SGMS1: variants seen among roughly 807,000 people sequenced by gnomAD.
The protein encoded by SGMS1 is sphingomyelin synthase 1.
Under a neutral mutation model 46.2 loss-of-function variants are expected in SGMS1, and 13 were observed. The observed-to-expected ratio is 0.28, with a 90% CI of 0.18 to 0.45. The LOEUF (loss-of-function observed/expected upper bound fraction) is 0.45. Ranked by LOEUF, SGMS1 falls within the 20% of genes least tolerant of loss-of-function variation. SGMS1 has a pLI of 1.00. For synonymous variants in SGMS1, 203 were observed against 187.8 expected (o/e 1.08, Z -0.66); for missense variants, 324 against 519.9 (o/e 0.62, Z 3.66).
At chr10:50,328,970 G>A (rs1847572224) in intron 7 of SGMS1, among the ~76,000 whole-genome samples, 1 of 152,152 alleles carries the variant, frequency 6.6e-6, no homozygotes, top group African/African-American at 2.4e-5. Flanking sequence ...TAGCCATCCT[G>A]CTAAAGTGAA....
chr10:50,549,415 A>G (rs1038042962), intron 2 of SGMS1, among the ~76,000 whole-genome samples: 2 of 152,244 alleles, frequency 1.3e-5, no homozygotes, highest in African/African-American at 4.8e-5. Context: ...ATTGGAAGCC[A>G]TTATCCTCAG....
rs117211265 is a variant in SGMS1, at chr10:50,420,108, T to C, written c.-232+13368A>G. 4.2e-4 allele frequency among the ~76,000 whole-genome samples: 64 copies of C among 152,332 alleles called. 1 individual carries two copies. In the East Asian group the frequency reaches 0.012, roughly 28 times the overall value. ...AAAGAGCAGAAGCAAGATCGGCCTA[T>C]AGCCTCACATTTATCCTTAGCAACA... On this transcript the variant is annotated intron_variant, in intron 6 of 10. Coordinates refer to ENST00000361781, the MANE Select transcript of SGMS1 (RefSeq NM_147156.4).
chr10:50,553,464 A>G (rs1224738144), intron 2 of SGMS1, among the ~76,000 whole-genome samples: 1 of 151,476 alleles, frequency 6.6e-6, no homozygotes, highest in Non-Finnish European at 1.5e-5. Context: ...AACTCAATAA[A>G]AGAAAACTAT....
intron 2 of SGMS1, among the ~76,000 whole-genome samples, chr10:50,529,458 A>G (rs1564425051): frequency 1.3e-5 from 2 of 152,226 alleles, no homozygotes; most frequent in South Asian, 2.1e-4. Context: ...TACAAAATGT[A>G]GAGGAAAAAG....
chr10:50,562,378 T>G (rs1172213938), intron 2 of SGMS1, among the ~76,000 whole-genome samples: 1 of 139,896 alleles, frequency 7.1e-6, no homozygotes, highest in East Asian at 2.2e-4. Flanking sequence ...ACACACACAC[T>G]CACACACGGG....
intron 1 of SGMS1, among the ~76,000 whole-genome samples, chr10:50,607,980 C>T (rs1838712865): frequency 6.6e-6 from 1 of 152,210 alleles, no homozygotes; most frequent in South Asian, 2.1e-4. Flanking sequence ...TCAACATCCA[C>T]CCAGTATCAC....
chr10:50,495,824 T>C (rs942673208), intron 3 of SGMS1, among the ~76,000 whole-genome samples: 7 of 151,720 alleles, frequency 4.6e-5, no homozygotes, highest in Middle Eastern at 3.4e-3. Flanking sequence ...AACATGTTTG[T>C]ATCTACATAG....
At chr10:50,578,440 A>G (rs1051850352) in intron 2 of SGMS1, among the ~76,000 whole-genome samples, 1 of 152,116 alleles carries the variant, frequency 6.6e-6, no homozygotes, top group Non-Finnish European at 1.5e-5. Flanking sequence ...ATCAATAAGG[A>G]TTTTTTTCTA....
rs961338137 is a variant in SGMS1, at chr10:50,600,621, G to A, written c.-683-10374C>T. Among the ~76,000 whole-genome samples the A allele has an allele frequency of 3.3e-5, 5 of 152,306 alleles. 1 individual carries two copies. In the South Asian group the frequency reaches 6.2e-4, roughly 19 times the overall value. ...CTGTTGAGCAGATGCCAAATTGATG[G>A]AGACAGAAAGGTGCTGAAAGAGAAT... On this transcript the variant is annotated intron_variant, in intron 1 of 10. Coordinates refer to ENST00000361781, the MANE Select transcript of SGMS1 (RefSeq NM_147156.4).
intron 1 of SGMS1, among the ~76,000 whole-genome samples, chr10:50,622,392 C>A (rs1436034086): frequency 6.6e-6 from 1 of 152,148 alleles, no homozygotes; most frequent in Non-Finnish European, 1.5e-5. Flanking sequence ...ACTCAGTCCC[C>A]CCTGAATGTT....
At chr10:50,382,512 T>C (rs1323975633) in intron 6 of SGMS1, among the ~76,000 whole-genome samples, 1 of 151,436 alleles carries the variant, frequency 6.6e-6, no homozygotes, top group African/African-American at 2.4e-5. Context: ...TAAAAAGCTA[T>C]AAAGACTTTT....
intron 2 of SGMS1, among the ~76,000 whole-genome samples, chr10:50,582,035 G>A (rs1588883660): frequency 6.6e-6 from 1 of 152,212 alleles, no homozygotes; most frequent in Admixed American, 6.5e-5. Context: ...GTGAAGAAGC[G>A]GCTCTGGCCC....
At chr10:50,433,000 T>C (rs553865066) in intron 6 of SGMS1, among the ~76,000 whole-genome samples, 2 of 152,286 alleles carry the variant, frequency 1.3e-5, no homozygotes, top group African/African-American at 2.4e-5. Flanking sequence ...AAAAGTAGCA[T>C]ACATGAAGAG....
chr10:50,413,814 T>C (rs1012856992), intron 6 of SGMS1, among the ~76,000 whole-genome samples: 1 of 152,242 alleles, frequency 6.6e-6, no homozygotes, highest in African/African-American at 2.4e-5. Flanking sequence ...AGAGGTCTCC[T>C]AAAACCTAGT....
intron 6 of SGMS1, among the ~76,000 whole-genome samples, chr10:50,389,846 A>AATTT (rs1227728111): frequency 1.3e-5 from 2 of 152,220 alleles, no homozygotes; most frequent in African/African-American, 4.8e-5. Context: ...GTTCCTAAGC[A>AATTT]ATTTAGGAAT....
chr10:50,459,933 G>GC (rs1837243502), intron 5 of SGMS1: 1 of 151,586 alleles, frequency 6.6e-6, no homozygotes, highest in African/African-American at 2.4e-5. Flanking sequence ...AAATTACTCA[G>GC]CACAAGGTAC....
chr10:50,555,081 G>A (rs1564430871), intron 2 of SGMS1, among the ~76,000 whole-genome samples: 1 of 152,302 alleles, frequency 6.6e-6, no homozygotes, highest in South Asian at 2.1e-4. Context: ...GGTGTCACCA[G>A]CATCATGCCC....
At chr10:50,427,329 G>A (rs1198309372) in intron 6 of SGMS1, among the ~76,000 whole-genome samples, 3 of 152,216 alleles carry the variant, frequency 2.0e-5, no homozygotes, top group Admixed American at 2.0e-4. Context: ...AACCCGGTAG[G>A]TGGAGCTTGC....
At chr10:50,520,359 G>A (rs1399867646) in intron 2 of SGMS1, among the ~76,000 whole-genome samples, 2 of 151,358 alleles carry the variant, frequency 1.3e-5, no homozygotes, top group East Asian at 3.9e-4. Flanking sequence ...TCTAGCCTGG[G>A]CAACACAGCA....
Sources: gnomAD v4.1 joint callset for allele counts (sites outside exome capture counted in the v4.1 genomes callset) on GRCh38, gnomAD v4.1.1 for gene constraint, MANE v1.5 for transcripts, NCBI Gene and HGNC (gene_info 2026-07-23, HGNC 2026-07-21) for gene names.